The following CADM2 variants were observed in gnomAD, a reference collection of about 807,000 sequenced individuals.
CADM2 encodes immunoglobulin superfamily member 4D.
Under a neutral mutation model 49.8 loss-of-function variants are expected in CADM2, and 12 were observed. The observed-to-expected ratio is 0.24, with a 90% CI of 0.15 to 0.39. CADM2 has a LOEUF of 0.39. Ranked by LOEUF, CADM2 falls within the 10% of genes least tolerant of loss-of-function variation. CADM2 has a pLI of 1.00. For missense variants in CADM2, 378 were observed against 492.3 expected, an observed-to-expected ratio of 0.77 and a Z score of 2.20; for synonymous variants, 214 against 175.4, an observed-to-expected ratio of 1.22 and a Z score of -1.74.
chr3:85,498,015 G>T (rs187158862), intron 1 of CADM2, among the ~76,000 whole-genome samples: 1 of 152,044 alleles, frequency 6.6e-6, no homozygotes, highest in East Asian at 1.9e-4. Context: ...TAACACCTGA[G>T]GCATTTTCAT....
intron 1 of CADM2, among the ~76,000 whole-genome samples, chr3:85,182,459 C>T (rs2040960220): frequency 6.6e-6 from 1 of 151,960 alleles, no homozygotes; most frequent in African/African-American, 2.4e-5. Flanking sequence ...ATCTACAATT[C>T]TTGATCGTGA....
intron 6 of CADM2, among the ~76,000 whole-genome samples, chr3:85,916,579 CA>C (rs1718360195): frequency 6.6e-6 from 1 of 151,968 alleles, no homozygotes; most frequent in Non-Finnish European, 1.5e-5. Flanking sequence ...CATTGTTGGA[CA>C]TTTGGGTTGG....
At chr3:85,636,136 G>A (rs2064468589) in intron 1 of CADM2, among the ~76,000 whole-genome samples, 1 of 152,120 alleles carries the variant, frequency 6.6e-6, no homozygotes, top group Non-Finnish European at 1.5e-5. Context: ...ACAGCCTCAG[G>A]CAAGTCCTTC....
intron 1 of CADM2, among the ~76,000 whole-genome samples, chr3:85,405,208 A>G (rs1345413730): frequency 6.6e-6 from 1 of 152,138 alleles, no homozygotes; most frequent in Admixed American, 6.6e-5. Context: ...TACTTAGAAA[A>G]TCCTTAACTA....
At chr3:85,855,992 G>A (rs537173354) in intron 3 of CADM2, among the ~76,000 whole-genome samples, 2 of 152,088 alleles carry the variant, frequency 1.3e-5, no homozygotes, top group Non-Finnish European at 2.9e-5. Flanking sequence ...AATCAATGCA[G>A]CATTGCATTA....
intron 1 of CADM2, among the ~76,000 whole-genome samples, chr3:85,302,310 C>A (rs2044121179): frequency 6.6e-6 from 1 of 151,980 alleles, no homozygotes; most frequent in African/African-American, 2.4e-5. Flanking sequence ...ACATCCCAGA[C>A]TTTGAGGTAA....
At chr3:85,387,669 G>T (rs2034306132) in intron 1 of CADM2, among the ~76,000 whole-genome samples, 1 of 152,100 alleles carries the variant, frequency 6.6e-6, no homozygotes, top group African/African-American at 2.4e-5. Context: ...TCAGATTTCA[G>T]ATTTTAATAT....
At chr3:85,741,907 A>G (rs945502114) in intron 2 of CADM2, among the ~76,000 whole-genome samples, 2 of 152,266 alleles carry the variant, frequency 1.3e-5, no homozygotes, top group African/African-American at 4.8e-5. Flanking sequence ...ATTATAAGGA[A>G]TCATGCAGTG....
At chr3:85,536,486 A>G (rs1157191363) in intron 1 of CADM2, among the ~76,000 whole-genome samples, 1 of 151,788 alleles carries the variant, frequency 6.6e-6, no homozygotes, top group East Asian at 1.9e-4. Context: ...TTTGTTTTAA[A>G]TAAAAAATGA....
intron 1 of CADM2, among the ~76,000 whole-genome samples, chr3:85,127,456 A>G (rs974001011): frequency 4.6e-5 from 7 of 152,224 alleles, no homozygotes; most frequent in Non-Finnish European, 1.0e-4. Context: ...TTTCAACCTC[A>G]TTTGAAGAAT....
intron 1 of CADM2, among the ~76,000 whole-genome samples, chr3:85,672,726 A>C (rs1429352019): frequency 3.3e-5 from 5 of 152,200 alleles, no homozygotes; most frequent in Non-Finnish European, 7.3e-5. Flanking sequence ...TAACACAAGC[A>C]TAAAAATAGT....
At chr3:85,529,976 C>T (rs1237159272) in intron 1 of CADM2, among the ~76,000 whole-genome samples, 2 of 152,162 alleles carry the variant, frequency 1.3e-5, no homozygotes, top group Middle Eastern at 3.4e-3. Context: ...CTGGTAAATG[C>T]CAATGGGGTA....
intron 3 of CADM2, among the ~76,000 whole-genome samples, chr3:85,844,956 G>A (rs2074806941): frequency 6.6e-6 from 1 of 151,674 alleles, no homozygotes; most frequent in Non-Finnish European, 1.5e-5. Context: ...TTTGAGACCA[G>A]CATGGGCAAC....
intron 1 of CADM2, among the ~76,000 whole-genome samples, chr3:85,154,447 C>T (rs1037245754): frequency 6.6e-6 from 1 of 151,978 alleles, no homozygotes; most frequent in Non-Finnish European, 1.5e-5. Context: ...TGTGAAAAGA[C>T]CAAATCTACA....
At chr3:85,724,470 CA>C (rs567994941) in intron 1 of CADM2, among the ~76,000 whole-genome samples, 7 of 143,682 alleles carry the variant, frequency 4.9e-5, no homozygotes, top group South Asian at 2.2e-4. Context: ...CTGTTGTTAG[CA>C]AAAAAAAAAC....
chr3:85,725,853 G>A (rs953270163), intron 1 of CADM2, among the ~76,000 whole-genome samples: 3 of 152,012 alleles, frequency 2.0e-5, no homozygotes, highest in Admixed American at 6.6e-5. Context: ...TTGCAATTTA[G>A]TGGATCAATC....
chr3:85,300,190 T>C (rs189314005), intron 1 of CADM2, among the ~76,000 whole-genome samples: 43 of 152,168 alleles, frequency 2.8e-4, no homozygotes, highest in African/African-American at 9.9e-4. Context: ...ACTGAGTGTC[T>C]GAGGCACTAT....
At chr3:85,590,703 A>C (rs919042925) in intron 1 of CADM2, among the ~76,000 whole-genome samples, 3 of 151,920 alleles carry the variant, frequency 2.0e-5, no homozygotes, top group African/African-American at 7.2e-5. Context: ...AACATAGGTG[A>C]TAAGGAATGA....
chr3:85,885,044 T>C (rs1713383905), intron 4 of CADM2, among the ~76,000 whole-genome samples: 1 of 151,866 alleles, frequency 6.6e-6, no homozygotes, highest in Non-Finnish European at 1.5e-5. Context: ...GATAATATTC[T>C]TTTTAAGCTT....
Sources: allele counts gnomAD v4.1 joint callset (sites outside exome capture counted in the v4.1 genomes callset), GRCh38; gene constraint gnomAD v4.1.1; transcripts MANE v1.5; gene names NCBI Gene and HGNC (gene_info 2026-07-23, HGNC 2026-07-21).